CLVS1: variants seen among roughly 807,000 people sequenced by gnomAD.
The protein encoded by CLVS1 is clavesin 1, also known as clavesin-1.
A neutral mutation model predicts 33.1 loss-of-function variants in CLVS1; 10 were observed. The observed-to-expected ratio is 0.30, with a 90% CI of 0.19 to 0.51. The LOEUF is 0.51. CLVS1 is among the 20% of genes least tolerant of loss of function. The probability of loss-of-function intolerance (pLI) is 0.97; values close to 1 mark genes in which losing one functional copy is unlikely to be tolerated. For synonymous variants in CLVS1, 163 were observed against 166.1 expected (o/e 0.98, Z 0.14); for missense variants, 343 against 433.4 (o/e 0.79, Z 1.85).
chr8:61,473,223 C>A (rs1817793743), intron 5 of CLVS1, among the ~76,000 whole-genome samples: 1 of 151,538 alleles, frequency 6.6e-6, no homozygotes, highest in Non-Finnish European at 1.5e-5. Flanking sequence ...TTGGAAGGAC[C>A]AGTGTCAGGA....
chr8:60,978,372 T>C, the CLVS1 span, among the ~76,000 whole-genome samples: 1 of 152,212 alleles, frequency 6.6e-6, no homozygotes, highest in Non-Finnish European at 1.5e-5. Flanking sequence ...TATACAGGTG[T>C]AATCTGTGAG....
intron 2 of CLVS1, among the ~76,000 whole-genome samples, chr8:61,373,392 C>T (rs1236264423): frequency 6.6e-6 from 1 of 152,190 alleles, no homozygotes; most frequent in African/African-American, 2.4e-5. Context: ...CTCCTGGGAT[C>T]ATCCCAGGAA....
At chr8:61,219,918 CAT>C (rs1258047798) in intron 2 of CLVS1, among the ~76,000 whole-genome samples, 7 of 152,122 alleles carry the variant, frequency 4.6e-5, no homozygotes, top group Admixed American at 2.6e-4. Context: ...AGCTTTTTTT[CAT>C]ATGTTTGTTG....
chr8:60,995,334 A>G, the CLVS1 span, among the ~76,000 whole-genome samples: 3 of 152,080 alleles, frequency 2.0e-5, no homozygotes, highest in Non-Finnish European at 2.9e-5. Flanking sequence ...AAACAACCCC[A>G]TCAAAAAGTG....
chr8:61,398,691 C>CTCTCCCTCCTCCCCTA (rs1055554316), intron 3 of CLVS1, among the ~76,000 whole-genome samples: 1 of 152,068 alleles, frequency 6.6e-6, no homozygotes, highest in Non-Finnish European at 1.5e-5. Context: ...CTTCCAGATG[C>CTCTCCCTCCTCCCCTA]TCTCCCTCCT....
intron 2 of CLVS1, among the ~76,000 whole-genome samples, chr8:61,215,169 C>T (rs1808058118): frequency 1.3e-5 from 2 of 152,012 alleles, no homozygotes; most frequent in Admixed American, 1.3e-4. Context: ...AATGTTTTGG[C>T]ACAGGATGAG....
chr8:61,033,438 C>G, the CLVS1 span, among the ~76,000 whole-genome samples: 11 of 149,570 alleles, frequency 7.4e-5, no homozygotes, highest in Admixed American at 3.3e-4. Flanking sequence ...CGCTGTCATC[C>G]CATTATCCAG....
intron 5 of CLVS1, chr8:61,465,154 A>C (rs1230602117): frequency 6.6e-6 from 1 of 152,262 alleles, no homozygotes; most frequent in Admixed American, 6.5e-5. Context: ...GTAAGATGAC[A>C]TAGGTCTGCC....
chr8:61,345,998 G>C (rs1196198098), intron 2 of CLVS1, among the ~76,000 whole-genome samples: 1 of 152,028 alleles, frequency 6.6e-6, no homozygotes, highest in Non-Finnish European at 1.5e-5. Context: ...TTGTTTATTC[G>C]AGAGAGTGCA....
intron 2 of CLVS1, among the ~76,000 whole-genome samples, chr8:61,315,633 G>T (rs998550747): frequency 6.6e-6 from 1 of 152,186 alleles, no homozygotes; most frequent in African/African-American, 2.4e-5. Flanking sequence ...ACATCATAGT[G>T]GGGGAGGGAA....
intron 2 of CLVS1, among the ~76,000 whole-genome samples, chr8:61,198,070 G>A (rs1163976074): frequency 6.6e-6 from 1 of 152,022 alleles, no homozygotes; most frequent in Non-Finnish European, 1.5e-5. Flanking sequence ...TCTTGTGATG[G>A]TGCTATTCTG....
intron 2 of CLVS1, among the ~76,000 whole-genome samples, chr8:61,309,927 T>A (rs73682218): frequency 1.3e-5 from 2 of 152,220 alleles, no homozygotes; most frequent in African/African-American, 2.4e-5. Context: ...AAGAGCTTTT[T>A]ACAAGTAGCG....
At chr8:61,394,261 G>C (rs1814428932) in intron 3 of CLVS1, among the ~76,000 whole-genome samples, 1 of 152,174 alleles carries the variant, frequency 6.6e-6, no homozygotes, top group Admixed American at 6.5e-5. Flanking sequence ...TCAGTTGCTT[G>C]AGTTGGTTGG....
chr8:61,074,466 G>GA (rs1804870505), intron 1 of CLVS1, among the ~76,000 whole-genome samples: 1 of 99,550 alleles, frequency 1.0e-5, no homozygotes, highest in Non-Finnish European at 1.7e-5. Context: ...GTATATATAT[G>GA]TTATATATAT....
chr8:61,397,412 G>A (rs547510744), intron 3 of CLVS1, among the ~76,000 whole-genome samples: 2 of 152,088 alleles, frequency 1.3e-5, no homozygotes, highest in African/African-American at 4.8e-5. Context: ...GGAGTTATAA[G>A]AGAAACATGT....
chr8:61,013,292 G>A, the CLVS1 span, among the ~76,000 whole-genome samples: 10 of 152,194 alleles, frequency 6.6e-5, no homozygotes, highest in African/African-American at 2.2e-4. Flanking sequence ...AGAGCAGGGG[G>A]CTCCTTCCCA....
intron 1 of CLVS1, among the ~76,000 whole-genome samples, chr8:61,105,929 C>T (rs1805528901): frequency 6.6e-6 from 1 of 152,130 alleles, no homozygotes; most frequent in South Asian, 2.1e-4. Context: ...CTCATGCCCG[C>T]CCTGCGTCTG....
At chr8:61,035,014 T>C in the CLVS1 span, among the ~76,000 whole-genome samples, 69,891 of 151,862 alleles carry the variant, frequency 0.46, 16,675 homozygotes, top group Middle Eastern at 0.56. Flanking sequence ...AGAAAAACAT[T>C]GAGTATATTA....
chr8:61,184,337 A>G (rs1807299411), intron 2 of CLVS1, among the ~76,000 whole-genome samples: 1 of 152,226 alleles, frequency 6.6e-6, no homozygotes, highest in Middle Eastern at 3.2e-3. Flanking sequence ...TCAACTTTCC[A>G]AAGGCTTAAT....
Sources: gnomAD v4.1 joint callset for allele counts (sites outside exome capture counted in the v4.1 genomes callset) on GRCh38, gnomAD v4.1.1 for gene constraint, MANE v1.5 for transcripts, NCBI Gene and HGNC (gene_info 2026-07-23, HGNC 2026-07-21) for gene names.